The following GCN1 variants were observed in gnomAD, a reference collection of about 807,000 sequenced individuals.
GCN1 encodes stalled ribosome sensor GCN1.
Under a neutral mutation model 288.4 loss-of-function variants are expected in GCN1, and 90 were observed. The ratio of observed to expected loss-of-function variants is 0.31; its 90% CI spans 0.26 to 0.37. The LOEUF is 0.37. GCN1 is among the 10% of genes least tolerant of loss of function. The pLI, the probability that GCN1 is intolerant of heterozygous loss-of-function variation, is 1.00. For missense variants in GCN1, 2,586 were observed against 3,419.9 expected (o/e 0.76, Z 6.08); for synonymous variants, 1,386 against 1,420.2 (o/e 0.98, Z 0.54).
chr12:120,128,928 G>A (rs939886062), intron 57 of GCN1, among the ~76,000 whole-genome samples: 2 of 137,546 alleles, frequency 1.5e-5, no homozygotes, highest in East Asian at 2.3e-4. Context: ...TGCAACCTCC[G>A]TCTCCTGGGT....
At chr12:120,128,093 T>C in intron 57 of GCN1, 119 bp from the exon 58 acceptor site, 2 of 1,022,916 alleles carry the variant, frequency 2.0e-6, no homozygotes, top group South Asian at 3.0e-5. Context: ...AGGTGGACTC[T>C]GGCAAAATAA....
chr12:120,134,294 A>T lies in GCN1; in HGVS notation c.7314T>A (p.Asp2438Glu). Reference protein sequence around the residue: ...VSLLLSMLGHDEDNTRISSAG... With the variant: ...VSLLLSMLGHEEDNTRISSAG... ...CTAGTCCTGCCTGCAGCCGTACCTC[A>T]TCGTGTCCCAGCATGCTCAGCAGGA... The change falls in exon 53 of 58, where the codon GAT becomes GAA. Residue 2438 changes from aspartate to glutamate, a missense_variant. Transcript: ENST00000300648. This position sits in a 1 kb window ranked among gnomAD's most constrained non-coding sequence, Gnocchi z 5.0. 2 of 1,610,598 alleles carry T rather than the reference A, an allele frequency of 1.2e-6. No individual in the cohort carries two copies. Among genetic ancestry groups the T allele is most frequent in the Non-Finnish European group, 1.7e-6 (2 of 1,176,932 alleles).
In GCN1 at chr12:120,138,433, G is replaced by A. The variant is rs756278871; in HGVS notation, c.6157-18C>T. 7 of 1,505,178 alleles carry A rather than the reference G, an allele frequency of 4.7e-6. No individual in the cohort carries two copies. The highest frequency in any genetic ancestry group is 6.5e-6 in the Non-Finnish European group (7 of 1,080,474). 93.2% of individuals were successfully genotyped at this position (1,505,178 alleles called of 1,614,324 possible). On this transcript the variant is annotated intron_variant, in intron 46 of 57. Transcript: ENST00000300648. ...TCGTCATCCTGCAGAGGGTGTTGGG[G>A]ACAACCCTGAGGAATCTGCATCTCT...
intron 16 of GCN1, 87 bp downstream of exon 16, chr12:120,168,121 T>G (rs1878191804): frequency 2.4e-6 from 2 of 834,392 alleles, no homozygotes; most frequent in Non-Finnish European, 4.2e-6. Flanking sequence ...CAGACCTGAC[T>G]GGTTGGTCAA....
chr12:120,188,049 G>C (rs928277686), intron 2 of GCN1, among the ~76,000 whole-genome samples: 1 of 152,088 alleles, frequency 6.6e-6, no homozygotes, highest in South Asian at 2.1e-4. Context: ...CAGATTTTCA[G>C]CAAAAAAGAG....
chr12:120,142,971 C>A lies in GCN1; in HGVS notation c.5496-30G>T. The stretch of plus-strand genomic sequence containing the variant: ...GAAGGAGGCCAACAACACAGTCACA[C>A]AGCTGCAAGGAGTGGGCTCGGCACA... On this transcript the variant is annotated intron_variant, in intron 42 of 57. Coordinates refer to ENST00000300648, the MANE Select transcript of GCN1 (RefSeq NM_006836.2). The surrounding 1 kb of genome is among the most constrained non-coding windows in gnomAD (Gnocchi z 4.9). The A allele has an allele frequency of 7.3e-7, 1 of 1,372,980 alleles. No individual in the cohort carries two copies. The highest frequency in any genetic ancestry group is 1.0e-6 in the Non-Finnish European group (1 of 960,128). 85.0% of individuals were successfully genotyped at this position (1,372,980 alleles called of 1,614,324 possible). A position where few individuals can be genotyped will look rare whatever the true frequency, so the allele number is the denominator to read the frequency against.
chr12:120,145,244 A>C lies in GCN1; in HGVS notation c.5016+18T>G, dbSNP rs776370042. Reference sequence around the variant, plus strand: ...GGATGAGGGGCCTGGCCCATCCCCCAGCCTACCTCAGACTCACCTCAGGCA... The same window carrying C: ...GGATGAGGGGCCTGGCCCATCCCCCCGCCTACCTCAGACTCACCTCAGGCA... On this transcript the variant is annotated intron_variant, in intron 39 of 57. Transcript: ENST00000300648. 2 of 1,584,644 alleles carry C rather than the reference A, an allele frequency of 1.3e-6. No individual in the cohort carries two copies. The highest frequency in any genetic ancestry group is 1.7e-6 in the Non-Finnish European group (2 of 1,164,518).
At chr12:120,194,381 G>A (rs1879101778) in intron 1 of GCN1, among the ~76,000 whole-genome samples, 1 of 152,268 alleles carries the variant, frequency 6.6e-6, no homozygotes, top group African/African-American at 2.4e-5. Flanking sequence ...GAGAAAAGAA[G>A]TAGAGGCTCG....
In GCN1 at chr12:120,163,206, G is replaced by C. The variant is rs1380400408; in HGVS notation, c.1902C>G (p.Gly634=). Residue 634 remains glycine (G), a synonymous_variant, in exon 19 of 58, where the codon GGC becomes GGG. Transcript: ENST00000300648. The part of the protein sequence containing the change: ...VTDAGEVTEA[G]KAYVPPRVLQ... ...GGACCCGTGGAGGCACGTAGGCCTTGCCTGCCTCAGTCACCTCTCCAGCAT... is the reference window on the plus strand; with the variant it reads ...GGACCCGTGGAGGCACGTAGGCCTTCCCTGCCTCAGTCACCTCTCCAGCAT... 9.3e-6 allele frequency: 15 copies of C among 1,613,882 alleles called. No homozygotes were observed. The African/African-American group carries it at 1.6e-4, about 17-fold the overall frequency.
Position 120,164,465 on chromosome 12 carries a change from G to T in GCN1, c.1719C>A (p.Leu573=), listed in dbSNP as rs1594277387. The part of the protein sequence containing the change: ...QQYHRALVAV[L]LSRTWHVRRQ... The stretch of plus-strand genomic sequence containing the variant: ...TGCGGACGTGCCAGGTGCGGCTCAG[G>T]AGCACCGCCACCAGAGCCCGGTGGT... The change falls in exon 18 of 58, where the codon CTC becomes CTA. Residue 573 remains leucine, a synonymous_variant. Coordinates refer to ENST00000300648, the MANE Select transcript of GCN1 (RefSeq NM_006836.2). The T allele has an allele frequency of 6.2e-6, 10 of 1,614,124 alleles. No individual in the cohort carries two copies. Among genetic ancestry groups the T allele is most frequent in the Non-Finnish European group, 8.5e-6 (10 of 1,180,000 alleles).
intron 50 of GCN1, among the ~76,000 whole-genome samples, 172 bp from the exon 51 acceptor site, chr12:120,136,904 G>C (rs1877022836): frequency 6.6e-6 from 1 of 152,182 alleles, no homozygotes; most frequent in Non-Finnish European, 1.5e-5. Flanking sequence ...GAACGGTCTT[G>C]GCAGAGAAAA....
At chr12:120,182,053 G>A (rs554114641) in intron 5 of GCN1, among the ~76,000 whole-genome samples, 3 of 151,662 alleles carry the variant, frequency 2.0e-5, no homozygotes, top group Admixed American at 1.3e-4. Flanking sequence ...GGAAGCTGAG[G>A]GTTGAGAATT....
chr12:120,184,245 T>C lies in GCN1; in HGVS notation c.186-2A>G. 1 of 1,611,310 alleles carries C rather than the reference T, an allele frequency of 6.2e-7. No homozygotes were observed. Among genetic ancestry groups the C allele is most frequent in the Non-Finnish European group, 8.5e-7 (1 of 1,179,080 alleles). ...AAGGCCCTGCGGGAGGCTGCATCTC[T>C]AGGGGGAGAGGCAAAGGAAAGGGTG... On this transcript the variant is annotated splice_acceptor_variant, in intron 3 of 57. Transcript: ENST00000300648. LOFTEE classifies it high-confidence loss of function.
intron 3 of GCN1, among the ~76,000 whole-genome samples, 190 bp downstream of exon 3, chr12:120,184,634 C>T (rs1388054512): frequency 6.6e-6 from 1 of 152,176 alleles, no homozygotes; most frequent in Non-Finnish European, 1.5e-5. Context: ...ATGGCACCAT[C>T]CCCATTCTGC....
At position 120,177,490 on chromosome 12, in the gene GCN1, G is replaced by T. The variant is rs372570686; in HGVS notation, c.795C>A (p.Thr265=). The T allele has an allele frequency of 8.7e-6, 14 of 1,608,560 alleles. No homozygotes were observed. In the African/African-American group the frequency reaches 1.7e-4, roughly 20 times the overall value. Reference sequence around the variant, plus strand: ...GACTCCTCAGTAAGGACTTCTGTATGGTGGGCAGTATCAGATCCTTAAATT... The same window carrying T: ...GACTCCTCAGTAAGGACTTCTGTATTGTGGGCAGTATCAGATCCTTAAATT... ...HSEFKDLILP[T]IQKSLLRSPE... Residue 265 remains threonine, a synonymous_variant, in exon 9 of 58, where the codon ACC becomes ACA. Transcript: ENST00000300648.
Position 120,153,397 on chromosome 12 carries a change from T to C in GCN1, c.3878A>G (p.Asn1293Ser), listed in dbSNP as rs200124782. ...TLNTHGKENV[N>S]SLLPVFEEFL... ...CTCCTCGAATACTGGCAACAGCGAG[T>C]TGACGTTCTCCTGGAAAGCCAAACC... The change falls in exon 33 of 58, where the codon AAC (asparagine) becomes AGC (serine). Residue 1293 changes from asparagine to serine, a missense_variant. Around this residue, in one of 8 missense-constraint regions of GCN1, gnomAD observed 332 missense variants for 403.0 expected, o/e 0.82. Coordinates refer to ENST00000300648, the MANE Select transcript of GCN1 (RefSeq NM_006836.2). The surrounding 1 kb of genome is among the most constrained non-coding windows in gnomAD (Gnocchi z 4.4). 4.0e-5 allele frequency: 64 copies of C among 1,613,696 alleles called. No individual in the cohort carries two copies. The highest frequency in any genetic ancestry group is 3.3e-4 in the Middle Eastern group (2 of 6,084).
Position 120,173,998 on chromosome 12 carries a change from A to G in GCN1, c.1192+73T>C, listed in dbSNP as rs1878390469. 3.7e-6 allele frequency: 4 copies of G among 1,085,000 alleles called. 1 individual carries two copies. In the East Asian group the frequency reaches 9.8e-5, roughly 27 times the overall value. The allele number at this position is 1,085,000 out of a possible 1,614,324, so 67.2% of individuals were successfully genotyped here. ...GTCTTTAGGAGAGGTTTATGGAAGG[A>G]AAGCTCCAACTGTGAAAAACCACGG... On this transcript the variant is annotated intron_variant, in intron 13 of 57. Transcript: ENST00000300648.
rs1396055295 is a variant in GCN1 at position 120,194,713 on chromosome 12, T to C, written c.-16A>G. ...CCGCCGCCATCCTGCCGGGGCTGACTCCGGAACCGCTTCCGGAACGCTTCC... is the reference window on the plus strand; with the variant it reads ...CCGCCGCCATCCTGCCGGGGCTGACCCCGGAACCGCTTCCGGAACGCTTCC... On this transcript the variant is annotated 5_prime_UTR_variant, in exon 1 of 58. Transcript: ENST00000300648. The C allele has an allele frequency of 6.7e-7, 1 of 1,499,490 alleles. No individual in the cohort carries two copies. The highest frequency in any genetic ancestry group is 1.2e-5 in the South Asian group (1 of 80,598). The allele number at this position is 1,499,490 out of a possible 1,614,324, so 92.9% of individuals were successfully genotyped here.
Position 120,148,214 on chromosome 12 carries a change from T to C in GCN1, c.4679A>G (p.Gln1560Arg). 2.5e-6 allele frequency: 4 copies of C among 1,614,046 alleles called. No homozygotes were observed. The highest frequency in any genetic ancestry group is 3.4e-6 in the Non-Finnish European group (4 of 1,179,966). Reference sequence around the variant, plus strand: ...AACGGAGCCGATCTGCCTGAGCGCCTGCTGTCCAGCCTTCTGGACTTTGAC... The same window carrying C: ...AACGGAGCCGATCTGCCTGAGCGCCCGCTGTCCAGCCTTCTGGACTTTGAC... Reference protein sequence around the residue: ...SHVKVQKAGQQALRQIGSVIR... With the variant: ...SHVKVQKAGQRALRQIGSVIR... Residue 1560 changes from glutamine (Q) to arginine (R), a missense_variant, in exon 37 of 58, where the codon CAG becomes CGG. Coordinates refer to ENST00000300648, the MANE Select transcript of GCN1 (RefSeq NM_006836.2).
Sources: allele counts gnomAD v4.1 joint callset (sites outside exome capture counted in the v4.1 genomes callset), GRCh38; gene constraint gnomAD v4.1.1; regional missense constraint gnomAD v4.1.1; non-coding constraint Gnocchi (gnomAD v3.1); transcripts MANE v1.5; gene names NCBI Gene and HGNC (gene_info 2026-07-23, HGNC 2026-07-21).